VAV3: variants seen among roughly 807,000 people sequenced by gnomAD.
VAV3 encodes the protein guanine nucleotide exchange factor VAV3.
In VAV3, 94 loss-of-function variants were observed where a neutral mutation model predicts 131.2. The observed-to-expected ratio is 0.72, with a 90% CI of 0.61 to 0.85. VAV3 has a LOEUF of 0.85. Ranked by LOEUF, VAV3 falls within the 40% of genes least tolerant of loss-of-function variation. The pLI is 0.00. For missense variants in VAV3, 939 were observed against 1,002.7 expected (o/e 0.94, Z 0.86); for synonymous variants, 349 against 342.0 (o/e 1.02, Z -0.22).
At chr1:107,648,580 A>G (rs915401814) in intron 19 of VAV3, among the ~76,000 whole-genome samples, 3 of 152,096 alleles carry the variant, frequency 2.0e-5, no homozygotes, top group Non-Finnish European at 4.4e-5. Context: ...TAAGGAATCC[A>G]GTTTCAGAAG....
At position 107,889,911 on chromosome 1, in the gene VAV3, T is replaced by A. The variant is rs144212572; in HGVS notation, c.205-14894A>T. On this transcript the variant is annotated intron_variant, in intron 1 of 26. Coordinates refer to ENST00000370056, the MANE Select transcript of VAV3 (RefSeq NM_006113.5). ...AAATCGATTTCACTGTGAACATTTG[T>A]CTCAAAGAAGTAAGACTAAAGGCAT... 4.1e-3 allele frequency among the ~76,000 whole-genome samples: 627 copies of A among 152,236 alleles called. 5 individuals carry two copies. Among genetic ancestry groups the A allele is most frequent in the African/African-American group, 0.014 (589 of 41,560 alleles).
At chr1:107,584,750 C>T (rs1216545001) in intron 25 of VAV3, among the ~76,000 whole-genome samples, 1 of 152,020 alleles carries the variant, frequency 6.6e-6, no homozygotes, top group Non-Finnish European at 1.5e-5. Context: ...ACTTAGTATT[C>T]AATGCTACAG....
At chr1:107,908,594 G>C (rs1672213567) in intron 1 of VAV3, among the ~76,000 whole-genome samples, 1 of 152,040 alleles carries the variant, frequency 6.6e-6, no homozygotes, top group African/African-American at 2.4e-5. Context: ...GAGGTTTTGA[G>C]ATTTTTAGTT....
At chr1:107,793,269 T>A (rs1326569840) in intron 2 of VAV3, among the ~76,000 whole-genome samples, 1 of 151,988 alleles carries the variant, frequency 6.6e-6, no homozygotes, top group Non-Finnish European at 1.5e-5. Context: ...TGCCCCAGAG[T>A]GTGTAACTAA....
chr1:107,846,606 C>T (rs963698510), intron 2 of VAV3, among the ~76,000 whole-genome samples: 16 of 152,028 alleles, frequency 1.1e-4, no homozygotes, highest in Non-Finnish European at 2.2e-4. Context: ...AATAAAGGAG[C>T]GGTTGCAATC....
intron 4 of VAV3, among the ~76,000 whole-genome samples, chr1:107,774,918 T>TGTTTG (rs1336074784): frequency 4.8e-5 from 6 of 125,576 alleles, no homozygotes; most frequent in Admixed American, 2.3e-4. Flanking sequence ...ATTTGCTTTT[T>TGTTTG]TTTTTTTTTT....
chr1:107,939,269 C>G lies in VAV3; in HGVS notation c.204+25397G>C, dbSNP rs568325356. ...CTTGCAAGTCCAAAAATGTTAAATTCTAAAGGAATTAAATTCTAGACTCAA... is the reference window on the plus strand; with the variant it reads ...CTTGCAAGTCCAAAAATGTTAAATTGTAAAGGAATTAAATTCTAGACTCAA... On this transcript the variant is annotated intron_variant, in intron 1 of 26. Transcript: ENST00000370056. Among the ~76,000 whole-genome samples, 3 of 152,228 alleles carry G rather than the reference C, an allele frequency of 2.0e-5. No homozygotes were observed. In the South Asian group the frequency reaches 6.2e-4, roughly 32 times the overall value.
intron 2 of VAV3, among the ~76,000 whole-genome samples, chr1:107,865,373 T>C (rs1557889650): frequency 6.6e-6 from 1 of 152,058 alleles, no homozygotes. Flanking sequence ...AAGCACATAA[T>C]TTCAGATTTT....
chr1:107,863,139 T>C (rs1023137775), intron 2 of VAV3, among the ~76,000 whole-genome samples: 3 of 152,216 alleles, frequency 2.0e-5, no homozygotes, highest in Non-Finnish European at 4.4e-5. Flanking sequence ...TATTTGCTCT[T>C]GCTCCATTAT....
chr1:107,866,280 T>C (rs1313385758), intron 2 of VAV3, among the ~76,000 whole-genome samples: 2 of 152,172 alleles, frequency 1.3e-5, no homozygotes, highest in Non-Finnish European at 2.9e-5. Context: ...TCGAATTCTT[T>C]CTTCTGAGGA....
At chr1:107,750,744 C>G (rs930151196) in intron 13 of VAV3, among the ~76,000 whole-genome samples, 1 of 152,228 alleles carries the variant, frequency 6.6e-6, no homozygotes, top group Non-Finnish European at 1.5e-5. Context: ...GTGATTCTCA[C>G]TTAATCTTCT....
chr1:107,859,870 A>C (rs1215092150), intron 2 of VAV3, among the ~76,000 whole-genome samples: 2 of 152,214 alleles, frequency 1.3e-5, no homozygotes, highest in African/African-American at 4.8e-5. Context: ...ATTGTGGAGA[A>C]AACTAGTAAA....
chr1:107,822,066 C>G (rs1667815655), intron 2 of VAV3, among the ~76,000 whole-genome samples: 1 of 152,066 alleles, frequency 6.6e-6, no homozygotes, highest in Non-Finnish European at 1.5e-5. Context: ...CTGCTGGTGC[C>G]TTTGTGGGCA....
chr1:107,869,920 T>C (rs115254217), intron 2 of VAV3, among the ~76,000 whole-genome samples: 4,802 of 152,320 alleles, frequency 0.032, 102 homozygotes, highest in Middle Eastern at 0.11. Flanking sequence ...CTTGAGTTAC[T>C]TCACTTAGAA....
chr1:107,583,548 A>C (rs1233670074), intron 25 of VAV3, among the ~76,000 whole-genome samples: 5 of 151,992 alleles, frequency 3.3e-5, no homozygotes, highest in Admixed American at 2.0e-4. Context: ...GCTGATAAGC[A>C]ACTTCAGCAA....
At chr1:107,617,923 C>G (rs1240289757) in intron 20 of VAV3, among the ~76,000 whole-genome samples, 1 of 152,124 alleles carries the variant, frequency 6.6e-6, no homozygotes, top group African/African-American at 2.4e-5. Context: ...TCCTATAGCA[C>G]AGTGGACACC....
At chr1:107,922,441 C>T (rs1672943764) in intron 1 of VAV3, among the ~76,000 whole-genome samples, 1 of 152,016 alleles carries the variant, frequency 6.6e-6, no homozygotes. Flanking sequence ...TATATTGTGA[C>T]TTTCACTTTT....
In VAV3 at chr1:107,964,998, A is replaced by T; in HGVS notation, c.-129T>A. 2.5e-6 allele frequency: 2 copies of T among 786,612 alleles called. No individual in the cohort carries two copies. Among genetic ancestry groups the T allele is most frequent in the Non-Finnish European group, 3.2e-6 (2 of 615,940 alleles). The allele number at this position is 786,612 out of a possible 1,614,324, so 48.7% of individuals were successfully genotyped here. Reference sequence around the variant, plus strand: ...CCGGCCCTTTCCCCGCGCGGGATCGAGGGAGCAGGAGCCGCGGCTGACGGG... The same window carrying T: ...CCGGCCCTTTCCCCGCGCGGGATCGTGGGAGCAGGAGCCGCGGCTGACGGG... On this transcript the variant is annotated 5_prime_UTR_variant, in exon 1 of 27. Transcript: ENST00000370056.
chr1:107,906,797 G>C (rs1672131620), intron 1 of VAV3, among the ~76,000 whole-genome samples: 1 of 152,160 alleles, frequency 6.6e-6, no homozygotes. Context: ...AGGGAGAAAA[G>C]CAGGGTGAGA....
Sources: allele counts gnomAD v4.1 joint callset (sites outside exome capture counted in the v4.1 genomes callset), GRCh38; gene constraint gnomAD v4.1.1; transcripts MANE v1.5; gene names NCBI Gene and HGNC (gene_info 2026-07-23, HGNC 2026-07-21).